The following PIWIL4 variants were observed in gnomAD, a reference collection of about 807,000 sequenced individuals.
PIWIL4 encodes the protein piwi like RNA-mediated gene silencing 4.
A neutral mutation model predicts 100.9 loss-of-function variants in PIWIL4; 50 were observed. The ratio of observed to expected loss-of-function variants is 0.50; its 90% CI spans 0.39 to 0.63. The LOEUF (loss-of-function observed/expected upper bound fraction) is 0.63. PIWIL4 is among the 20% of genes least tolerant of loss of function. The pLI is 0.00. For synonymous variants in PIWIL4, 342 were observed against 367.5 expected (o/e 0.93, Z 0.79); for missense variants, 887 against 1,043.3 (o/e 0.85, Z 2.06).
intron 6 of PIWIL4, 119 bp from the exon 7 acceptor site, chr11:94,586,930 GA>G (rs768008248): frequency 3.4e-5 from 35 of 1,043,730 alleles, no homozygotes; most frequent in African/African-American, 6.6e-5. Context: ...TCAGACTAAA[GA>G]AAAAAATTAT....
chr11:94,614,434 A>G (rs928859343), intron 15 of PIWIL4, among the ~76,000 whole-genome samples: 1 of 150,080 alleles, frequency 6.7e-6, no homozygotes, highest in African/African-American at 2.5e-5. Flanking sequence ...CAGCCTCCCT[A>G]GTAGCTGGCA....
chr11:94,586,427 T>A (rs569768698), intron 6 of PIWIL4, among the ~76,000 whole-genome samples: 197 of 152,310 alleles, frequency 1.3e-3, no homozygotes, highest in Middle Eastern at 3.4e-3. Context: ...TTCAAGATTT[T>A]TAAGTTTATG....
chr11:94,605,349 T>C (rs1406704115), intron 13 of PIWIL4, among the ~76,000 whole-genome samples: 1 of 152,218 alleles, frequency 6.6e-6, no homozygotes, highest in Non-Finnish European at 1.5e-5. Context: ...AGTTATTTTG[T>C]ATAACGTCCC....
intron 13 of PIWIL4, among the ~76,000 whole-genome samples, chr11:94,605,320 A>G (rs1042362098): frequency 6.6e-6 from 1 of 152,116 alleles, no homozygotes; most frequent in African/African-American, 2.4e-5. Flanking sequence ...TGACCTTCCA[A>G]TTTTGAAGAG....
chr11:94,594,105 C>G (rs1427901571), intron 9 of PIWIL4, among the ~76,000 whole-genome samples: 1 of 152,112 alleles, frequency 6.6e-6, no homozygotes, highest in African/African-American at 2.4e-5. Flanking sequence ...TGAAGACTTT[C>G]TACGTTTTGC....
chr11:94,594,048 G>A (rs1469828694), intron 9 of PIWIL4, among the ~76,000 whole-genome samples: 1 of 152,148 alleles, frequency 6.6e-6, no homozygotes, highest in African/African-American at 2.4e-5. Context: ...TAACTGCCTC[G>A]AGTACTTTTA....
At chr11:94,589,463 T>C (rs1948451815) in intron 8 of PIWIL4, among the ~76,000 whole-genome samples, 1 of 152,164 alleles carries the variant, frequency 6.6e-6, no homozygotes, top group Admixed American at 6.5e-5. Flanking sequence ...GCATATCTGA[T>C]CACACTGCTC....
chr11:94,584,663 A>T (rs1443185350), intron 5 of PIWIL4, among the ~76,000 whole-genome samples: 6 of 152,288 alleles, frequency 3.9e-5, no homozygotes, highest in East Asian at 3.9e-4. Flanking sequence ...GCGTTTCCTG[A>T]CTTGAAACCC....
chr11:94,589,274 C>A, intron 8 of PIWIL4, 42 bp downstream of exon 8: 1 of 1,495,082 alleles, frequency 6.7e-7, no homozygotes, highest in Non-Finnish European at 9.3e-7. Flanking sequence ...TTTTCTTTTA[C>A]CTCAGAGAAG....
At chr11:94,616,362 C>A in intron 15 of PIWIL4, 131 bp from the exon 16 acceptor site, 1 of 750,104 alleles carries the variant, frequency 1.3e-6, no homozygotes, top group Non-Finnish European at 2.1e-6. Flanking sequence ...TAATTGTGAA[C>A]ACATAACACA....
intron 3 of PIWIL4, among the ~76,000 whole-genome samples, chr11:94,576,038 G>GA (rs1456432340): frequency 1.3e-5 from 2 of 152,214 alleles, no homozygotes; most frequent in East Asian, 3.8e-4. Context: ...AGGAAATACT[G>GA]AAGCACAGCT....
intron 16 of PIWIL4, among the ~76,000 whole-genome samples, chr11:94,616,892 G>GTAGA (rs1948854153): frequency 6.6e-6 from 1 of 152,216 alleles, no homozygotes; most frequent in South Asian, 2.1e-4. Flanking sequence ...AATGTTAAGT[G>GTAGA]TAGACCTAGG....
chr11:94,594,621 C>G (rs904669804), intron 9 of PIWIL4, among the ~76,000 whole-genome samples: 20 of 151,826 alleles, frequency 1.3e-4, no homozygotes, highest in Non-Finnish European at 2.8e-4. Flanking sequence ...CAACCTCTGC[C>G]TCCCGGGTTC....
At chr11:94,571,410 T>A (rs1350652732) in intron 2 of PIWIL4, among the ~76,000 whole-genome samples, 1 of 152,206 alleles carries the variant, frequency 6.6e-6, no homozygotes, top group Non-Finnish European at 1.5e-5. Flanking sequence ...ACATTAGGTA[T>A]ATCTCCTAAT....
chr11:94,576,373 A>G (rs1190117397), intron 3 of PIWIL4, among the ~76,000 whole-genome samples: 2 of 152,290 alleles, frequency 1.3e-5, no homozygotes, highest in East Asian at 3.9e-4. Context: ...GCCTCAAGCA[A>G]TCCACCCGCC....
At chr11:94,588,886 T>C (rs2155098) in intron 7 of PIWIL4, among the ~76,000 whole-genome samples, 33,110 of 152,230 alleles carry the variant, frequency 0.22, 4,126 homozygotes, top group East Asian at 0.29. Context: ...CTAAGGACTT[T>C]CCCACAGGTT....
chr11:94,598,115 AC>A, intron 11 of PIWIL4, among the ~76,000 whole-genome samples, 200 bp downstream of exon 11: 1 of 152,328 alleles, frequency 6.6e-6, no homozygotes, highest in Non-Finnish European at 1.5e-5. Flanking sequence ...CACCCAGTGG[AC>A]ATGATTTAGG....
chr11:94,581,088 C>T (rs1948309139), intron 4 of PIWIL4, among the ~76,000 whole-genome samples: 1 of 151,862 alleles, frequency 6.6e-6, no homozygotes, highest in Non-Finnish European at 1.5e-5. Flanking sequence ...TTAGTAGAGA[C>T]GCGGTTTCAC....
At position 94,616,581 on chromosome 11, in the gene PIWIL4, A is replaced by G; in HGVS notation, c.2014+18A>G. The G allele has an allele frequency of 6.3e-7, 1 of 1,581,696 alleles. No individual in the cohort carries two copies. Among genetic ancestry groups the G allele is most frequent in the Non-Finnish European group, 8.6e-7 (1 of 1,157,606 alleles). The stretch of plus-strand genomic sequence containing the variant: ...CATGACTGGTACTAAAAATATAGCA[A>G]TGTGGGTGGGCTCCAAGGACTGTTC... On this transcript the variant is annotated intron_variant, in intron 16 of 19. Coordinates refer to ENST00000299001, the MANE Select transcript of PIWIL4 (RefSeq NM_152431.3).
Sources: allele counts gnomAD v4.1 joint callset (sites outside exome capture counted in the v4.1 genomes callset), GRCh38; gene constraint gnomAD v4.1.1; transcripts MANE v1.5; gene names NCBI Gene and HGNC (gene_info 2026-07-23, HGNC 2026-07-21).